Variants in KSR1 observed in about 807,000 individuals in gnomAD.
KSR1 encodes the protein kinase suppressor of ras.
KSR1 carries 35 observed loss-of-function variants against 92.9 expected under a neutral mutation model. The observed-to-expected ratio is 0.38, with a 90% CI of 0.29 to 0.50. The LOEUF (loss-of-function observed/expected upper bound fraction) is 0.50, where lower values mean the gene tolerates loss of function less well. Ranked by LOEUF, KSR1 falls within the 20% of genes least tolerant of loss-of-function variation. KSR1 has a pLI of 0.94. For synonymous variants in KSR1, 467 were observed against 472.6 expected, an observed-to-expected ratio of 0.99 and a Z score of 0.15; for missense variants, 972 against 1,158.5, an observed-to-expected ratio of 0.84 and a Z score of 2.34.
At chr17:27,523,600 G>T (rs768285762) in intron 1 of KSR1, among the ~76,000 whole-genome samples, 3 of 151,704 alleles carry the variant, frequency 2.0e-5, no homozygotes, top group Non-Finnish European at 4.4e-5. Context: ...ATAAAATAGA[G>T]TTCAAATAAC....
chr17:27,468,277 C>G (rs1362521242), intron 1 of KSR1, among the ~76,000 whole-genome samples: 2 of 151,694 alleles, frequency 1.3e-5, no homozygotes, highest in Non-Finnish European at 2.9e-5. Context: ...GCTGTGTTGC[C>G]CAGGCTGGAG....
chr17:27,578,057 G>C, intron 3 of KSR1: 1 of 311,828 alleles, frequency 3.2e-6, no homozygotes, highest in Non-Finnish European at 6.2e-6. Flanking sequence ...TGAGCCAAGG[G>C]TGATTAGGGA....
intron 11 of KSR1, among the ~76,000 whole-genome samples, 156 bp from the exon 12 acceptor site, chr17:27,603,678 G>A (rs1408843995): frequency 6.6e-6 from 1 of 152,178 alleles, no homozygotes; most frequent in Admixed American, 6.5e-5. Flanking sequence ...TTTATGGAAG[G>A]GCCCAGGCTG....
At chr17:27,583,956 A>G (rs552858952) in intron 4 of KSR1, 17 of 983,984 alleles carry the variant, frequency 1.7e-5, no homozygotes, top group Non-Finnish European at 1.9e-5. Context: ...AGTTTTGTGT[A>G]TGTCTATAAT....
chr17:27,500,248 C>T (rs2069129535), intron 1 of KSR1, among the ~76,000 whole-genome samples: 1 of 152,144 alleles, frequency 6.6e-6, no homozygotes, highest in Non-Finnish European at 1.5e-5. Context: ...AAATGAAACC[C>T]TTGAAGCCTT....
At position 27,623,409 on chromosome 17, in the gene KSR1, TCG is replaced by T. The variant is rs745512491; in HGVS notation, c.*19_*20del. On this transcript the variant is annotated 3_prime_UTR_variant, in exon 21 of 21. Transcript: ENST00000644974. ...AAGATGTAGCCAGCCATATGGTTTT[TCG>T]CTGCTGATCTCTTTCTTTTTAAAAT... 7.9e-6 allele frequency: 6 copies of T among 761,070 alleles called. No individual in the cohort carries two copies. Among genetic ancestry groups the T allele is most frequent in the Middle Eastern group, 2.3e-4 (1 of 4,438 alleles). 47.1% of individuals were successfully genotyped at this position (761,070 alleles called of 1,614,324 possible). A position where few individuals can be genotyped will look rare whatever the true frequency, so the allele number is the denominator to read the frequency against.
At chr17:27,527,888 TG>T (rs1567794999) in intron 1 of KSR1, among the ~76,000 whole-genome samples, 1 of 152,222 alleles carries the variant, frequency 6.6e-6, no homozygotes, top group African/African-American at 2.4e-5. Context: ...ATGTCTTTAA[TG>T]TAGTAATTCT....
chr17:27,510,005 G>A (rs893782310), intron 1 of KSR1, among the ~76,000 whole-genome samples: 1 of 152,188 alleles, frequency 6.6e-6, no homozygotes, highest in Non-Finnish European at 1.5e-5. Context: ...AGTTTTGGGG[G>A]CCTGAGGAGG....
intron 17 of KSR1, 167 bp from the exon 18 acceptor site, chr17:27,611,327 G>T: frequency 2.6e-6 from 2 of 758,362 alleles, no homozygotes; most frequent in Admixed American, 2.9e-5. Flanking sequence ...GTCCTCTAGG[G>T]CTGGGAGGAG....
chr17:27,545,500 G>A (rs925705552), intron 1 of KSR1, among the ~76,000 whole-genome samples: 1 of 152,180 alleles, frequency 6.6e-6, no homozygotes, highest in Non-Finnish European at 1.5e-5. Context: ...AGCCTGGGCA[G>A]CATGGCAAGA....
chr17:27,474,446 C>T (rs2068279128), intron 1 of KSR1, among the ~76,000 whole-genome samples: 1 of 152,286 alleles, frequency 6.6e-6, no homozygotes, highest in South Asian at 2.1e-4. Context: ...AGCACAGGTT[C>T]TGGTGGTTGA....
intron 2 of KSR1, chr17:27,566,378 T>C (rs1374420003): frequency 5.0e-6 from 2 of 398,784 alleles, no homozygotes; most frequent in Non-Finnish European, 8.8e-6. Context: ...CAGAAACCCC[T>C]CTCCCTGCCT....
At chr17:27,534,090 C>G in intron 1 of KSR1, among the ~76,000 whole-genome samples, 1 of 152,242 alleles carries the variant, frequency 6.6e-6, no homozygotes, top group East Asian at 1.9e-4. Context: ...TGTTACCCAT[C>G]CTGGTTTGCC....
chr17:27,557,288 T>G (rs1263907387), intron 2 of KSR1, among the ~76,000 whole-genome samples: 2 of 152,328 alleles, frequency 1.3e-5, no homozygotes, highest in East Asian at 3.9e-4. Context: ...AATGGTTCCC[T>G]GTACGTGTGA....
chr17:27,465,832 A>C (rs2150909420), intron 1 of KSR1, among the ~76,000 whole-genome samples: 2 of 152,186 alleles, frequency 1.3e-5, no homozygotes, highest in Middle Eastern at 3.4e-3. Context: ...GACCAGCTTC[A>C]TTCATGGTGC....
At chr17:27,530,307 T>C (rs1003447523) in intron 1 of KSR1, among the ~76,000 whole-genome samples, 16 of 152,038 alleles carry the variant, frequency 1.1e-4, no homozygotes, top group Admixed American at 6.5e-5. Context: ...TAGTTGGGTG[T>C]AGTTGTGTGT....
chr17:27,525,493 G>A (rs2070223366), intron 1 of KSR1, among the ~76,000 whole-genome samples: 1 of 152,200 alleles, frequency 6.6e-6, no homozygotes, highest in African/African-American at 2.4e-5. Context: ...CTGACACATG[G>A]CTAAGAACCA....
At chr17:27,601,825 GA>G in intron 11 of KSR1, 1 of 1,161,366 alleles carries the variant, frequency 8.6e-7, no homozygotes, top group Non-Finnish European at 1.2e-6. Context: ...TAGAGAAGTA[GA>G]AACCCATTTG....
At chr17:27,604,370 T>G (rs937463556) in intron 12 of KSR1, among the ~76,000 whole-genome samples, 1 of 152,172 alleles carries the variant, frequency 6.6e-6, no homozygotes, top group Non-Finnish European at 1.5e-5. Context: ...GCCGTCAGAT[T>G]CCGAGTCCTG....
Sources: gnomAD v4.1 joint callset for allele counts (sites outside exome capture counted in the v4.1 genomes callset) on GRCh38, gnomAD v4.1.1 for gene constraint, MANE v1.5 for transcripts, NCBI Gene and HGNC (gene_info 2026-07-23, HGNC 2026-07-21) for gene names.